HCN1: variants seen among roughly 807,000 people sequenced by gnomAD.
The protein encoded by HCN1 is hyperpolarization activated cyclic nucleotide gated potassium channel 1.
In HCN1, 13 loss-of-function variants were observed where a neutral mutation model predicts 78.9. The observed-to-expected ratio is 0.16, with a 90% CI of 0.11 to 0.26. The LOEUF (loss-of-function observed/expected upper bound fraction) is 0.26, where lower values mean the gene tolerates loss of function less well. Among genes scored for constraint, HCN1 ranks in the 10% least tolerant of loss-of-function variants. The pLI, the probability that HCN1 is intolerant of heterozygous loss-of-function variation, is 1.00. For missense variants in HCN1, 810 were observed against 1,154.3 expected, an observed-to-expected ratio of 0.70 and a Z score of 4.32; for synonymous variants, 552 against 455.5, an observed-to-expected ratio of 1.21 and a Z score of -2.70.
At chr5:45,681,239 G>T (rs1469605103) in intron 1 of HCN1, among the ~76,000 whole-genome samples, 1 of 152,188 alleles carries the variant, frequency 6.6e-6, no homozygotes, top group Non-Finnish European at 1.5e-5. Flanking sequence ...TCTTGCAGTT[G>T]TTGAAGGTTT....
chr5:45,433,183 AC>A, intron 3 of HCN1, among the ~76,000 whole-genome samples: 1 of 152,218 alleles, frequency 6.6e-6, no homozygotes, highest in African/African-American at 2.4e-5. Context: ...TGATTTGAGT[AC>A]GCTGAACTAC....
chr5:45,463,656 T>C (rs912542713), intron 2 of HCN1, among the ~76,000 whole-genome samples: 6 of 152,030 alleles, frequency 3.9e-5, no homozygotes, highest in Non-Finnish European at 7.4e-5. Context: ...ATAGAAACTC[T>C]ACTAACAATT....
At chr5:45,313,422 C>A (rs1289042271) in intron 5 of HCN1, among the ~76,000 whole-genome samples, 2 of 152,148 alleles carry the variant, frequency 1.3e-5, no homozygotes, top group African/African-American at 2.4e-5. Flanking sequence ...GGGAAAAAAA[C>A]AGAGCAGAAA....
intron 2 of HCN1, chr5:45,576,481 C>T (rs959174066): frequency 6.6e-6 from 1 of 151,956 alleles, no homozygotes; most frequent in African/African-American, 2.4e-5. Context: ...GGCCAACTTC[C>T]TTGTTGTCCT....
intron 2 of HCN1, among the ~76,000 whole-genome samples, chr5:45,502,239 G>A (rs553927026): frequency 1.8e-4 from 28 of 151,740 alleles, no homozygotes; most frequent in African/African-American, 4.6e-4. Flanking sequence ...AGGCCGAGGC[G>A]GGCGGATCAT....
intron 3 of HCN1, among the ~76,000 whole-genome samples, chr5:45,416,279 C>T (rs1420386199): frequency 6.6e-6 from 1 of 151,898 alleles, no homozygotes; most frequent in Admixed American, 6.6e-5. Context: ...CCACTCCTCA[C>T]TTGATTTACT....
At chr5:45,656,402 C>A (rs1192913372) in intron 1 of HCN1, among the ~76,000 whole-genome samples, 1 of 152,126 alleles carries the variant, frequency 6.6e-6, no homozygotes, top group African/African-American at 2.4e-5. Flanking sequence ...TTATAAAGGG[C>A]AGTCCTAAAA....
intron 2 of HCN1, among the ~76,000 whole-genome samples, chr5:45,520,957 C>T (rs1176637709): frequency 6.6e-6 from 1 of 151,458 alleles, no homozygotes; most frequent in African/African-American, 2.4e-5. Flanking sequence ...AAGAAAAGCA[C>T]GTCATATGCA....
At chr5:45,415,573 G>A (rs1740103018) in intron 3 of HCN1, among the ~76,000 whole-genome samples, 1 of 152,084 alleles carries the variant, frequency 6.6e-6, no homozygotes, top group Admixed American at 6.6e-5. Context: ...CTGACTCAGT[G>A]TGTTTTCTGG....
chr5:45,647,747 C>A (rs1378152725), intron 1 of HCN1, among the ~76,000 whole-genome samples: 1 of 152,076 alleles, frequency 6.6e-6, no homozygotes, highest in African/African-American at 2.4e-5. Context: ...CCTCACATAT[C>A]CCCTATCTCA....
chr5:45,523,769 C>T (rs1742667028), intron 2 of HCN1, among the ~76,000 whole-genome samples: 1 of 152,094 alleles, frequency 6.6e-6, no homozygotes, highest in Non-Finnish European at 1.5e-5. Context: ...AGCCCTTTGT[C>T]AGATGAATAG....
rs2580262 is a variant in HCN1, at chr5:45,646,320, T to C, written c.426-712A>G. ...TATTACTACTCTATTGAACAACTAC[T>C]TCAAATATATTGCCACTACTTTTCC... On this transcript the variant is annotated intron_variant, in intron 1 of 7. Transcript: ENST00000303230. 6.7e-3 allele frequency among the ~76,000 whole-genome samples: 1,024 copies of C among 151,882 alleles called. 6 individuals carry two copies. Among genetic ancestry groups the C allele is most frequent in the African/African-American group, 0.024 (982 of 41,484 alleles).
chr5:45,295,885 G>A lies in HCN1; in HGVS notation c.1618+7714C>T, dbSNP rs575620744. Among the ~76,000 whole-genome samples, 9 of 152,086 alleles carry A rather than the reference G, an allele frequency of 5.9e-5. No individual in the cohort carries two copies. The South Asian group carries it at 1.9e-3, about 32-fold the overall frequency. On this transcript the variant is annotated intron_variant, in intron 6 of 7. Transcript: ENST00000303230. ...AGATTTCATATTAGATAATGAAATA[G>A]GCAGGGATTGTATAATATGTATAGC... is the stretch of plus-strand genomic sequence containing the variant.
chr5:45,515,283 A>G (rs887626798), intron 2 of HCN1, among the ~76,000 whole-genome samples: 2 of 152,024 alleles, frequency 1.3e-5, no homozygotes, highest in African/African-American at 4.8e-5. Context: ...TCATTATCAG[A>G]AGGTATACTA....
chr5:45,372,036 ATATATATTATATATATAATATAATTATAT>A (rs1747385001), intron 4 of HCN1, among the ~76,000 whole-genome samples: 7 of 57,116 alleles, frequency 1.2e-4, no homozygotes, highest in East Asian at 7.8e-4. Flanking sequence ...ATATAATTAT[ATATATATTATATATATAATATAATTATAT>A]TATATATTAT....
chr5:45,534,839 A>G (rs1377318055), intron 2 of HCN1, among the ~76,000 whole-genome samples: 1 of 152,220 alleles, frequency 6.6e-6, no homozygotes, highest in Non-Finnish European at 1.5e-5. Flanking sequence ...TTCAGAGCAG[A>G]GGGAGAAAAA....
Position 45,258,025 on chromosome 5 carries a change from C to T in HCN1, c.*3896G>A, listed in dbSNP as rs1744654497. 1 of 151,810 alleles carries T rather than the reference C, an allele frequency of 6.6e-6. No individual in the cohort carries two copies. The highest frequency in any genetic ancestry group is 2.4e-5 in the African/African-American group (1 of 41,162). The allele number at this position is 151,810 out of a possible 1,614,324, so 9.4% of individuals were successfully genotyped here. A position where few individuals can be genotyped will look rare whatever the true frequency, so the allele number is the denominator to read the frequency against. ...GTAGTGCATATGAACAAAATAACCA[C>T]ATGGGTTTTATGGCACATGTTCTAA... On this transcript the variant is annotated 3_prime_UTR_variant, in exon 8 of 8. Coordinates refer to ENST00000303230, the MANE Select transcript of HCN1 (RefSeq NM_021072.4).
chr5:45,445,313 G>C (rs1740767166), intron 3 of HCN1, among the ~76,000 whole-genome samples: 1 of 152,148 alleles, frequency 6.6e-6, no homozygotes, highest in South Asian at 2.1e-4. Context: ...CAAACTGCAA[G>C]GCGGCAGTGA....
At chr5:45,521,143 AAAG>A (rs888609678) in intron 2 of HCN1, among the ~76,000 whole-genome samples, 1 of 151,960 alleles carries the variant, frequency 6.6e-6, no homozygotes, top group Non-Finnish European at 1.5e-5. Context: ...TCAGGAATCC[AAAG>A]AAGATAAATA....
Sources: gnomAD v4.1 joint callset for allele counts (sites outside exome capture counted in the v4.1 genomes callset) on GRCh38, gnomAD v4.1.1 for gene constraint, MANE v1.5 for transcripts, NCBI Gene and HGNC (gene_info 2026-07-23, HGNC 2026-07-21) for gene names.